Variants in CWH43 observed in about 807,000 individuals in gnomAD.
CWH43 encodes PGAP2-interacting protein.
In CWH43, 91 loss-of-function variants were observed where a neutral mutation model predicts 85.7. The ratio of observed to expected loss-of-function variants is 1.06; its 90% CI spans 0.90 to 1.26. The LOEUF (loss-of-function observed/expected upper bound fraction) is 1.26. Ranked by LOEUF, CWH43 falls within the 50% of genes most tolerant of loss-of-function variation. CWH43 has a pLI of 0.00. For missense variants in CWH43, 869 were observed against 839.2 expected, an observed-to-expected ratio of 1.04 and a Z score of -0.44; for synonymous variants, 323 against 293.6, an observed-to-expected ratio of 1.10 and a Z score of -1.02.
intron 8 of CWH43, among the ~76,000 whole-genome samples, chr4:49,012,658 G>A (rs1783401542): frequency 6.6e-6 from 1 of 152,114 alleles, no homozygotes; most frequent in Admixed American, 6.6e-5. Flanking sequence ...TGGAGTTTTG[G>A]TGTGGATGTC....
chr4:49,055,883 C>T (rs1383847558), intron 15 of CWH43, among the ~76,000 whole-genome samples: 1 of 151,532 alleles, frequency 6.6e-6, no homozygotes, highest in African/African-American at 2.4e-5. Flanking sequence ...AGGCATGAGC[C>T]ACTATGGTCA....
chr4:48,996,277 T>C (rs1782809617), intron 5 of CWH43, among the ~76,000 whole-genome samples: 2 of 149,860 alleles, frequency 1.3e-5, no homozygotes, highest in Non-Finnish European at 1.5e-5. Flanking sequence ...AATCAATTTT[T>C]ATATATGTGT....
chr4:49,060,223 G>A (rs140687531), intron 15 of CWH43, among the ~76,000 whole-genome samples: 415 of 152,142 alleles, frequency 2.7e-3, no homozygotes, highest in Middle Eastern at 0.01. Flanking sequence ...TGGAGCCTGG[G>A]TCTGTGGGTA....
At chr4:49,019,312 T>C (rs1258918009) in intron 9 of CWH43, among the ~76,000 whole-genome samples, 1 of 152,062 alleles carries the variant, frequency 6.6e-6, no homozygotes. Context: ...ACATTTGAGA[T>C]GAAATTTGCA....
Position 48,986,729 on chromosome 4 carries a change from G to T in CWH43, c.43+257G>T, listed in dbSNP as rs558947763. 47 of 1,331,632 alleles carry T rather than the reference G, an allele frequency of 3.5e-5. No individual in the cohort carries two copies. In the African/African-American group the frequency reaches 5.5e-4, roughly 15 times the overall value. 82.5% of individuals were successfully genotyped at this position (1,331,632 alleles called of 1,614,324 possible). On this transcript the variant is annotated intron_variant, in intron 1 of 15. Transcript: ENST00000226432. ...GTCGCCCGAGTTCCCAGCAGCCCTG[G>T]GATTGTGCCCAAGGAGCGCGAATTC...
chr4:48,993,250 TG>T (rs1435064528), intron 4 of CWH43, among the ~76,000 whole-genome samples: 1 of 152,164 alleles, frequency 6.6e-6, no homozygotes, highest in Non-Finnish European at 1.5e-5. Flanking sequence ...GGGTCCTGGG[TG>T]GGGGTGGAGT....
chr4:49,032,607 A>C lies in CWH43; in HGVS notation c.1550A>C (p.His517Pro). 1.9e-6 allele frequency: 3 copies of C among 1,614,082 alleles called. No homozygotes were observed. Among genetic ancestry groups the C allele is most frequent in the Non-Finnish European group, 2.5e-6 (3 of 1,179,948 alleles). The change falls in exon 12 of 16, where the codon CAT becomes CCT. Residue 517 changes from histidine (H) to proline (P), a missense_variant. Physicochemically the swap from His to Pro is moderately conservative, Grantham distance 77. Around this residue, in one of 3 missense-constraint regions of CWH43, gnomAD observed 577 missense variants for 513.1 expected, o/e 1.12. Coordinates refer to ENST00000226432, the MANE Select transcript of CWH43 (RefSeq NM_025087.3). ...LSRYPIVKSE[H>P]HLLPSPEGEI... ...AGATACCCAATTGTGAAATCTGAGC[A>C]TCACCTTCTTCCGTCACCAGAGGGC...
At chr4:49,029,719 A>G (rs1238778960) in intron 10 of CWH43, among the ~76,000 whole-genome samples, 2 of 152,234 alleles carry the variant, frequency 1.3e-5, no homozygotes, top group African/African-American at 4.8e-5. Flanking sequence ...AATGCTGCTC[A>G]GTTACTCTTT....
rs1230114735 is a variant in CWH43, at chr4:49,044,670, A to G, written c.1804-116A>G. On this transcript the variant is annotated intron_variant, in intron 13 of 15. Coordinates refer to ENST00000226432, the MANE Select transcript of CWH43 (RefSeq NM_025087.3). ...CAAAAAAGATCAGTAGGAGCCAGGA[A>G]GAGAAAACAGCATGTACAAAGAGAT... 5.4e-6 allele frequency: 4 copies of G among 734,976 alleles called. No homozygotes were observed. In the East Asian group the frequency reaches 8.0e-5, roughly 15 times the overall value. 45.5% of individuals were successfully genotyped at this position (734,976 alleles called of 1,614,324 possible).
rs1785032627 is a variant in CWH43, at chr4:49,058,331, TTGTC to T, written c.2022-3478_2022-3475del. On this transcript the variant is annotated intron_variant, in intron 15 of 15. Coordinates refer to ENST00000226432, the MANE Select transcript of CWH43 (RefSeq NM_025087.3). ...TATTTATTTTAAGCTGAAAACAACTTTGTCTGCTGCATATAAAAACTGAGATTTA... is the reference window on the plus strand; with the variant it reads ...TATTTATTTTAAGCTGAAAACAACTTTGCTGCATATAAAAACTGAGATTTA... 2.0e-5 allele frequency among the ~76,000 whole-genome samples: 3 copies of T among 152,298 alleles called. No individual in the cohort carries two copies. The South Asian group carries it at 6.2e-4, about 32-fold the overall frequency.
At chr4:49,039,525 G>A (rs1243434123) in intron 13 of CWH43, among the ~76,000 whole-genome samples, 1 of 147,210 alleles carries the variant, frequency 6.8e-6, no homozygotes, top group Non-Finnish European at 1.5e-5. Flanking sequence ...CAGATGTCTT[G>A]GTCCCTTTCA....
At chr4:49,052,831 TATACAATAC>T (rs1784839697) in intron 15 of CWH43, among the ~76,000 whole-genome samples, 1 of 152,206 alleles carries the variant, frequency 6.6e-6, no homozygotes, top group African/African-American at 2.4e-5. Flanking sequence ...AATTTTCACA[TATACAATAC>T]ATTATTATTA....
At chr4:49,051,644 T>C (rs1232852267) in intron 15 of CWH43, among the ~76,000 whole-genome samples, 1 of 152,166 alleles carries the variant, frequency 6.6e-6, no homozygotes, top group South Asian at 2.1e-4. Flanking sequence ...TGGCATGATC[T>C]CAGCTCACTG....
intron 7 of CWH43, among the ~76,000 whole-genome samples, chr4:49,006,766 G>A (rs1783170237): frequency 6.6e-6 from 1 of 152,130 alleles, no homozygotes; most frequent in East Asian, 1.9e-4. Context: ...ACATCCTGGG[G>A]CAGAATTATC....
At chr4:49,041,550 A>G (rs1577702074) in intron 13 of CWH43, among the ~76,000 whole-genome samples, 2 of 152,220 alleles carry the variant, frequency 1.3e-5, no homozygotes, top group South Asian at 2.1e-4. Context: ...CTGTTTGTCT[A>G]TTATTGGTGT....
At chr4:49,027,256 AGGATT>A (rs1051466255) in intron 9 of CWH43, among the ~76,000 whole-genome samples, 4 of 152,220 alleles carry the variant, frequency 2.6e-5, no homozygotes, top group Non-Finnish European at 5.9e-5. Flanking sequence ...TAGAACCGAT[AGGATT>A]GGCTGAGAGG....
At position 49,049,753 on chromosome 4, in the gene CWH43, C is replaced by T. The variant is rs192759738; in HGVS notation, c.1866-941C>T. ...ATCTGTATGGCTTGATCCCTCCCTTCGTTGAATTTTTTGCTATAGTGTCAC... is the reference window on the plus strand; with the variant it reads ...ATCTGTATGGCTTGATCCCTCCCTTTGTTGAATTTTTTGCTATAGTGTCAC... On this transcript the variant is annotated intron_variant, in intron 14 of 15. Coordinates refer to ENST00000226432, the MANE Select transcript of CWH43 (RefSeq NM_025087.3). Among the ~76,000 whole-genome samples the T allele has an allele frequency of 1.1e-4, 17 of 152,244 alleles. No homozygotes were observed. In the East Asian group the frequency reaches 2.3e-3, roughly 21 times the overall value.
At chr4:49,007,085 T>G in intron 7 of CWH43, 116 bp from the exon 8 acceptor site, 1 of 1,166,108 alleles carries the variant, frequency 8.6e-7, no homozygotes, top group East Asian at 2.6e-5. Flanking sequence ...ATAAATTAAA[T>G]CAGTACATGA....
At position 49,061,917 on chromosome 4, in the gene CWH43, T is replaced by C; in HGVS notation, c.*27T>C. The C allele has an allele frequency of 1.5e-6, 2 of 1,309,016 alleles. No individual in the cohort carries two copies. Among genetic ancestry groups the C allele is most frequent in the Non-Finnish European group, 2.0e-6 (2 of 990,162 alleles). The allele number at this position is 1,309,016 out of a possible 1,614,324, so 81.1% of individuals were successfully genotyped here. On this transcript the variant is annotated 3_prime_UTR_variant, in exon 16 of 16. Coordinates refer to ENST00000226432, the MANE Select transcript of CWH43 (RefSeq NM_025087.3). ...ACATTTAAAACAAGAAGTTATTGGC[T>C]GGGAAAATCTAAGAAAAAAAGTATG...
Sources: allele counts gnomAD v4.1 joint callset (sites outside exome capture counted in the v4.1 genomes callset), GRCh38; gene constraint gnomAD v4.1.1; regional missense constraint gnomAD v4.1.1; transcripts MANE v1.5; gene names NCBI Gene and HGNC (gene_info 2026-07-23, HGNC 2026-07-21).